Variants in SLC30A5 observed in about 807,000 individuals in gnomAD.
SLC30A5 encodes the protein proton-coupled zinc antiporter SLC30A5.
SLC30A5 carries 33 observed loss-of-function variants against 79.6 expected under a neutral mutation model. The observed-to-expected ratio is 0.41, with a 90% CI of 0.31 to 0.55. The LOEUF (loss-of-function observed/expected upper bound fraction) is 0.55, where lower values mean the gene tolerates loss of function less well. Ranked by LOEUF, SLC30A5 falls within the 20% of genes least tolerant of loss-of-function variation. SLC30A5 has a pLI of 0.20. For synonymous variants in SLC30A5, 299 were observed against 319.7 expected, an observed-to-expected ratio of 0.94 and a Z score of 0.69; for missense variants, 788 against 928.1, an observed-to-expected ratio of 0.85 and a Z score of 1.96.
chr5:69,113,346 A>T, intron 6 of SLC30A5, 119 bp downstream of exon 6: 2 of 642,050 alleles, frequency 3.1e-6, no homozygotes, highest in Non-Finnish European at 5.2e-6. Context: ...AAACTTTCAT[A>T]GATTAATGTA....
chr5:69,109,231 G>A (rs1262074491), intron 5 of SLC30A5, among the ~76,000 whole-genome samples: 3 of 151,918 alleles, frequency 2.0e-5, no homozygotes, highest in South Asian at 2.1e-4. Context: ...CTAAATGCTC[G>A]AGGGGATGGA....
In SLC30A5 at chr5:69,121,819, T is replaced by C; in HGVS notation, c.1695T>C (p.His565=). Residue 565 remains histidine (H), a synonymous_variant, in exon 13 of 16, where the codon CAT becomes CAC. Coordinates refer to ENST00000396591, the MANE Select transcript of SLC30A5 (RefSeq NM_022902.5). ...CATCTGATCACAGCCATTCACACCA[T>C]ATGCATGGACACAGTGACCATGGGC... is the stretch of plus-strand genomic sequence containing the variant. ...CHSSDHSHSH[H]MHGHSDHGHG... The C allele has an allele frequency of 6.2e-7, 1 of 1,613,402 alleles. No individual in the cohort carries two copies. The highest frequency in any genetic ancestry group is 1.1e-5 in the South Asian group (1 of 90,988).
chr5:69,109,958 G>A (rs554619499), intron 5 of SLC30A5, among the ~76,000 whole-genome samples: 236 of 152,198 alleles, frequency 1.6e-3, no homozygotes, highest in African/African-American at 5.2e-3. Flanking sequence ...CTGGCACTGC[G>A]GGCATTTATT....
chr5:69,114,364 T>G, intron 6 of SLC30A5, 56 bp from the exon 7 acceptor site: 1 of 967,474 alleles, frequency 1.0e-6, no homozygotes, highest in Non-Finnish European at 1.7e-6. Flanking sequence ...CAGGAGAACT[T>G]CAGGTGTCAA....
intron 14 of SLC30A5, among the ~76,000 whole-genome samples, chr5:69,127,670 A>G (rs1017948621): frequency 2.6e-5 from 4 of 151,646 alleles, no homozygotes; most frequent in African/African-American, 9.7e-5. Flanking sequence ...AAATAAAGAT[A>G]CCTGTAACAC....
intron 6 of SLC30A5, among the ~76,000 whole-genome samples, chr5:69,113,712 T>C (rs1746292646): frequency 1.3e-5 from 2 of 152,210 alleles, no homozygotes; most frequent in Admixed American, 1.3e-4. Context: ...CAAATATATC[T>C]ACTCATTTTA....
Position 69,115,965 on chromosome 5 carries a change from G to T in SLC30A5, c.823G>T (p.Ala275Ser), listed in dbSNP as rs749843074. Residue 275 changes from alanine (A) to serine (S), a missense_variant, in exon 9 of 16, where the codon GCA becomes TCA. Physicochemically the swap from Ala to Ser is moderately conservative, Grantham distance 99 (BLOSUM62 1). Transcript: ENST00000396591. ...ESWFSLIMPF[A>S]TVIFFVMILD... ...TTGGTTTTCTCTCATTATGCCTTTT[G>T]CAACGGTTATCTTTTTTGTCATGAT... The T allele has an allele frequency of 3.1e-6, 5 of 1,613,424 alleles. No individual in the cohort carries two copies. The highest frequency in any genetic ancestry group is 4.2e-6 in the Non-Finnish European group (5 of 1,179,816).
intron 3 of SLC30A5, 34 bp downstream of exon 3, chr5:69,103,162 G>A: frequency 8.1e-7 from 1 of 1,229,714 alleles, no homozygotes; most frequent in South Asian, 1.3e-5. Context: ...ATTCCTAGCA[G>A]CTTCTCGTTT....
chr5:69,115,438 A>T (rs1384292388), intron 8 of SLC30A5, 31 bp downstream of exon 8: 2 of 1,534,768 alleles, frequency 1.3e-6, no homozygotes, highest in Non-Finnish European at 1.8e-6. Flanking sequence ...TATTGGTATT[A>T]AATTGCTAGT....
chr5:69,116,436 G>T lies in SLC30A5; in HGVS notation c.1115G>T (p.Gly372Val), dbSNP rs1746375315. 3 of 1,609,832 alleles carry T rather than the reference G, an allele frequency of 1.9e-6. No individual in the cohort carries two copies. The highest frequency in any genetic ancestry group is 2.5e-6 in the Non-Finnish European group (3 of 1,178,746). Residue 372 changes from glycine to valine, a missense_variant, in exon 10 of 16, where the codon GGT (glycine) becomes GTT (valine). Physicochemically the swap from Gly to Val is moderately radical, Grantham distance 109. This residue lies in a region of SLC30A5 where 626 missense variants were observed against 755.5 expected (regional missense o/e 0.83). Coordinates refer to ENST00000396591, the MANE Select transcript of SLC30A5 (RefSeq NM_022902.5). The surrounding 1 kb of genome is among the most constrained non-coding windows in gnomAD (Gnocchi z 4.0). ...TCTCCCTCTAAGAGAGGACAAAAAG[G>T]TACCCTTATTGGATATTCTCCTGAA... Reference protein sequence around the residue: ...LSSPSKRGQKGTLIGYSPEGT... With the variant: ...LSSPSKRGQKVTLIGYSPEGT...
At position 69,116,067 on chromosome 5, in the gene SLC30A5, A is replaced by T; in HGVS notation, c.925A>T (p.Ile309Phe). ...ATGTGCTCGTTATGGATCCTTTCCC[A>T]TTTTTATTAGTGCTCTCCTTTTTGG... Reference protein sequence around the residue: ...SKCARYGSFPIFISALLFGNF... With the variant: ...SKCARYGSFPFFISALLFGNF... The change falls in exon 9 of 16, where the codon ATT (isoleucine) becomes TTT (phenylalanine). Residue 309 changes from isoleucine to phenylalanine, a missense_variant. By Grantham distance (21) the Ile-to-Phe change is conservative. Coordinates refer to ENST00000396591, the MANE Select transcript of SLC30A5 (RefSeq NM_022902.5). This position sits in a 1 kb window ranked among gnomAD's most constrained non-coding sequence, Gnocchi z 4.0. 1 of 1,614,058 alleles carries T rather than the reference A, an allele frequency of 6.2e-7. No individual in the cohort carries two copies. Among genetic ancestry groups the T allele is most frequent in the Admixed American group, 1.7e-5 (1 of 59,996 alleles).
intron 15 of SLC30A5, among the ~76,000 whole-genome samples, chr5:69,128,833 G>C (rs763133877): frequency 3.3e-5 from 5 of 152,112 alleles, no homozygotes; most frequent in Non-Finnish European, 7.3e-5. Context: ...CTAAAGCCCT[G>C]TTCTAGATGT....
At chr5:69,101,409 G>T (rs1745914805) in intron 2 of SLC30A5, among the ~76,000 whole-genome samples, 1 of 151,708 alleles carries the variant, frequency 6.6e-6, no homozygotes. Flanking sequence ...CTCCCGAGTA[G>T]CTGGGACTAC....
intron 7 of SLC30A5, 119 bp downstream of exon 7, chr5:69,114,615 C>T: frequency 1.4e-6 from 1 of 701,606 alleles, no homozygotes; most frequent in Non-Finnish European, 2.5e-6. Flanking sequence ...GCCTGAAATC[C>T]CAGCACTTTG....
At chr5:69,123,486 C>A (rs1379762142) in intron 14 of SLC30A5, 61 bp downstream of exon 14, 4 of 1,317,502 alleles carry the variant, frequency 3.0e-6, no homozygotes, top group South Asian at 2.4e-5. Flanking sequence ...GAAGTCTTTG[C>A]TGGAAGTAAA....
rs1746801377 is a variant in SLC30A5 at position 69,129,717 on chromosome 5, A to G, written c.*100A>G. On this transcript the variant is annotated 3_prime_UTR_variant, in exon 16 of 16. Transcript: ENST00000396591. ...GATAAAAATTACACATTAACTGTAC[A>G]GAAACAGAGTTCCCTACTACTGGAT... 1 of 1,069,614 alleles carries G rather than the reference A, an allele frequency of 9.3e-7. No individual in the cohort carries two copies. Among genetic ancestry groups the G allele is most frequent in the Non-Finnish European group, 1.3e-6 (1 of 762,722 alleles). 66.3% of individuals were successfully genotyped at this position (1,069,614 alleles called of 1,614,324 possible). A position where few individuals can be genotyped will look rare whatever the true frequency, so the allele number is the denominator to read the frequency against.
intron 15 of SLC30A5, 88 bp from the exon 16 acceptor site, chr5:69,129,359 A>T: frequency 1.1e-6 from 1 of 905,748 alleles, no homozygotes; most frequent in Non-Finnish European, 1.6e-6. Flanking sequence ...AAGATACTCA[A>T]CCCGTATCAA....
intron 5 of SLC30A5, 169 bp from the exon 6 acceptor site, chr5:69,112,971 G>A (rs1746271877): frequency 3.4e-6 from 2 of 590,368 alleles, no homozygotes; most frequent in East Asian, 5.7e-5. Flanking sequence ...TGCCAATACT[G>A]TAAGCTTATA....
At chr5:69,125,702 C>CGTGGTGGGCACCTGTAGTCCCA (rs1282874638) in intron 14 of SLC30A5, among the ~76,000 whole-genome samples, 1 of 151,078 alleles carries the variant, frequency 6.6e-6, no homozygotes, top group Non-Finnish European at 1.5e-5. Flanking sequence ...AGCCAGGCAC[C>CGTGGTGGGCACCTGTAGTCCCA]GTGGTGGGCA....
Sources: gnomAD v4.1 joint callset for allele counts (sites outside exome capture counted in the v4.1 genomes callset) on GRCh38, gnomAD v4.1.1 for gene constraint, gnomAD v4.1.1 regional missense constraint, Gnocchi (gnomAD v3.1) non-coding constraint, MANE v1.5 for transcripts, NCBI Gene and HGNC (gene_info 2026-07-23, HGNC 2026-07-21) for gene names.